Variants in ATP10D observed in about 807,000 individuals in gnomAD.
ATP10D encodes the protein phospholipid-transporting ATPase VD.
ATP10D carries 89 observed loss-of-function variants against 144.8 expected under a neutral mutation model. The ratio of observed to expected loss-of-function variants is 0.61; its 90% confidence interval spans 0.52 to 0.73. The LOEUF is 0.73. ATP10D is among the 30% of genes least tolerant of loss of function. The pLI is 0.00. For synonymous variants in ATP10D, 571 were observed against 615.1 expected, an observed-to-expected ratio of 0.93 and a Z score of 1.06; for missense variants, 1,603 against 1,714.8, an observed-to-expected ratio of 0.93 and a Z score of 1.15.
At chr4:47,504,564 CT>C (rs545066710) in intron 1 of ATP10D, among the ~76,000 whole-genome samples, 31 of 149,180 alleles carry the variant, frequency 2.1e-4, no homozygotes, top group South Asian at 1.9e-3. Flanking sequence ...GTCAAGGAGA[CT>C]TTTTTTTTTC....
chr4:47,575,136 C>G (rs769777352), intron 18 of ATP10D, among the ~76,000 whole-genome samples: 1 of 152,088 alleles, frequency 6.6e-6, no homozygotes, highest in African/African-American at 2.4e-5. Context: ...CATTTTCTAA[C>G]TTGATCTTGA....
intron 17 of ATP10D, 147 bp downstream of exon 17, chr4:47,572,377 TG>T (rs1719998217): frequency 6.4e-6 from 4 of 620,974 alleles, no homozygotes; most frequent in Non-Finnish European, 1.1e-5. Flanking sequence ...ATCTATTCAT[TG>T]ATTTTTTTTT....
chr4:47,503,086 C>G (rs751150987), intron 1 of ATP10D, among the ~76,000 whole-genome samples: 4 of 152,158 alleles, frequency 2.6e-5, no homozygotes, highest in Non-Finnish European at 5.9e-5. Context: ...CCTGTAATCC[C>G]AGCTACTCAG....
intron 5 of ATP10D, among the ~76,000 whole-genome samples, chr4:47,532,533 G>T (rs1717619545): frequency 6.6e-6 from 1 of 152,258 alleles, no homozygotes; most frequent in East Asian, 1.9e-4. Context: ...TCAGCCATTG[G>T]CAGGGAAGCA....
In ATP10D at chr4:47,487,231, C is replaced by CAAAAAAAA. The variant is rs1478374325; in HGVS notation, c.-38+1724_-38+1731dup. On this transcript the variant is annotated intron_variant, in intron 1 of 22. Coordinates refer to ENST00000273859, the MANE Select transcript of ATP10D (RefSeq NM_020453.4). ...GCAACAAGAGCAAAACTCCGTCCCC[C>CAAAAAAAA]AAAAAAAAAAAAAAAAAAATAGAAT... 1.6e-5 allele frequency among the ~76,000 whole-genome samples: 2 copies of CAAAAAAAA among 128,452 alleles called. 1 individual carries two copies. The highest frequency in any genetic ancestry group is 3.2e-5 in the Non-Finnish European group (2 of 63,310). The allele number at this position is 128,452 out of a possible 152,430, so 84.3% of individuals were successfully genotyped here. A position where few individuals can be genotyped will look rare whatever the true frequency, so the allele number is the denominator to read the frequency against.
intron 11 of ATP10D, among the ~76,000 whole-genome samples, chr4:47,555,193 C>T (rs894036247): frequency 6.6e-6 from 1 of 152,172 alleles, no homozygotes; most frequent in Non-Finnish European, 1.5e-5. Context: ...TGCCTGAGCC[C>T]CGCCTCCTGT....
intron 2 of ATP10D, 99 bp from the exon 3 acceptor site, chr4:47,515,377 A>G (rs1716576647): frequency 1.1e-6 from 1 of 896,860 alleles, no homozygotes; most frequent in Non-Finnish European, 1.7e-6. Context: ...TACAAAATCT[A>G]CTAATAGAAA....
chr4:47,535,430 A>G, intron 5 of ATP10D, 79 bp from the exon 6 acceptor site: 1 of 1,129,696 alleles, frequency 8.9e-7, no homozygotes, highest in Non-Finnish European at 1.2e-6. Context: ...AGTCAAAAAC[A>G]TTCAAGGGCC....
chr4:47,534,552 C>A (rs1421222174), intron 5 of ATP10D, among the ~76,000 whole-genome samples: 1 of 152,148 alleles, frequency 6.6e-6, no homozygotes, highest in Non-Finnish European at 1.5e-5. Flanking sequence ...GTCTCCTTGT[C>A]CCATTGTAAG....
At chr4:47,588,218 A>G (rs1720877004) in intron 22 of ATP10D, among the ~76,000 whole-genome samples, 1 of 152,214 alleles carries the variant, frequency 6.6e-6, no homozygotes, top group Non-Finnish European at 1.5e-5. Flanking sequence ...AATGACTAAG[A>G]AGAATACATG....
intron 1 of ATP10D, among the ~76,000 whole-genome samples, chr4:47,496,180 G>A (rs1290670328): frequency 3.3e-5 from 4 of 122,900 alleles, no homozygotes; most frequent in Admixed American, 9.7e-5. Flanking sequence ...TTTTTGAGAC[G>A]GAGTTTCACT....
chr4:47,574,181 C>A (rs1720106756), intron 18 of ATP10D, among the ~76,000 whole-genome samples: 1 of 152,186 alleles, frequency 6.6e-6, no homozygotes, highest in South Asian at 2.1e-4. Flanking sequence ...TTCACCTCCT[C>A]ACCTCCTTTT....
chr4:47,548,435 C>T (rs1339627799), intron 10 of ATP10D, among the ~76,000 whole-genome samples: 1 of 152,204 alleles, frequency 6.6e-6, no homozygotes, highest in African/African-American at 2.4e-5. Flanking sequence ...CCCTCCGTCC[C>T]TCCGTCCCTT....
intron 10 of ATP10D, among the ~76,000 whole-genome samples, chr4:47,551,901 C>T (rs73140043): frequency 4.0e-4 from 61 of 152,256 alleles, no homozygotes; most frequent in African/African-American, 1.4e-3. Context: ...TATATCTTCA[C>T]CTTAATTCAG....
At chr4:47,579,784 T>C (rs912223624) in intron 19 of ATP10D, among the ~76,000 whole-genome samples, 1 of 152,170 alleles carries the variant, frequency 6.6e-6, no homozygotes, top group African/African-American at 2.4e-5. Context: ...TGGGAAGTCA[T>C]TGGAGGGAGT....
intron 10 of ATP10D, among the ~76,000 whole-genome samples, chr4:47,552,125 G>C (rs1484719670): frequency 6.6e-6 from 1 of 152,088 alleles, no homozygotes; most frequent in East Asian, 1.9e-4. Context: ...TCTCAGCACA[G>C]TTTTGCTGAC....
intron 19 of ATP10D, chr4:47,578,337 G>A (rs1310817622): frequency 1.3e-5 from 2 of 152,212 alleles, no homozygotes; most frequent in Non-Finnish European, 2.9e-5. Flanking sequence ...GAGTCTGGAA[G>A]TCTGCAGTCA....
At position 47,535,651 on chromosome 4, in the gene ATP10D, T is replaced by G. The variant is rs1300400935; in HGVS notation, c.883+36T>G. The G allele has an allele frequency of 2.6e-6, 4 of 1,559,584 alleles. No homozygotes were observed. In the African/African-American group the frequency reaches 5.5e-5, roughly 22 times the overall value. ...TTTCTAATTTTCATTGTCTACTCTG[T>G]GCTTTTCTACAAGTTAACATTTTTC... On this transcript the variant is annotated intron_variant, in intron 6 of 22. Transcript: ENST00000273859.
At chr4:47,579,422 T>G (rs1720400625) in intron 19 of ATP10D, among the ~76,000 whole-genome samples, 1 of 152,206 alleles carries the variant, frequency 6.6e-6, no homozygotes, top group South Asian at 2.1e-4. Flanking sequence ...AGAGAATTAT[T>G]CCTGATGGTG....
Sources: gnomAD v4.1 joint callset for allele counts (sites outside exome capture counted in the v4.1 genomes callset) on GRCh38, gnomAD v4.1.1 for gene constraint, MANE v1.5 for transcripts, NCBI Gene and HGNC (gene_info 2026-07-23, HGNC 2026-07-21) for gene names.